KHDRBS2: variants seen among roughly 807,000 people sequenced by gnomAD.
KHDRBS2 encodes the protein KH RNA binding domain containing, signal transduction associated 2.
Under a neutral mutation model 44.3 loss-of-function variants are expected in KHDRBS2, and 26 were observed. That is an observed-to-expected ratio of 0.59 (90% CI 0.43 to 0.81). The LOEUF (loss-of-function observed/expected upper bound fraction) is 0.81, where lower values mean the gene tolerates loss of function less well. KHDRBS2 is among the 40% of genes least tolerant of loss of function. The pLI, the probability that KHDRBS2 is intolerant of heterozygous loss-of-function variation, is 0.00. For missense variants in KHDRBS2, 476 were observed against 433.1 expected (o/e 1.10, Z -0.88); for synonymous variants, 194 against 151.1 (o/e 1.28, Z -2.08).
At chr6:61,546,660 G>T in the KHDRBS2 span, among the ~76,000 whole-genome samples, 1 of 152,030 alleles carries the variant, frequency 6.6e-6, no homozygotes, top group African/African-American at 2.4e-5. Context: ...TCCCATGTTT[G>T]GTGAATCAGT....
At chr6:62,087,254 G>C in intron 2 of KHDRBS2, among the ~76,000 whole-genome samples, 1 of 151,872 alleles carries the variant, frequency 6.6e-6, no homozygotes, top group East Asian at 1.9e-4. Flanking sequence ...TAAAATACAA[G>C]AAAACTGTTT....
intron 1 of KHDRBS2, among the ~76,000 whole-genome samples, chr6:62,191,162 C>T (rs1824516194): frequency 6.6e-6 from 1 of 152,096 alleles, no homozygotes. Context: ...CTGACATGTA[C>T]CTGCTTCTCA....
chr6:62,006,839 A>G (rs1343421297), intron 3 of KHDRBS2, among the ~76,000 whole-genome samples: 1 of 152,064 alleles, frequency 6.6e-6, no homozygotes, highest in African/African-American at 2.4e-5. Flanking sequence ...TGATGGTGGA[A>G]TCATCAAAAT....
At chr6:61,605,006 C>G in the KHDRBS2 span, among the ~76,000 whole-genome samples, 1 of 152,158 alleles carries the variant, frequency 6.6e-6, no homozygotes, top group Non-Finnish European at 1.5e-5. Context: ...CATCCTCAAT[C>G]TTCAGAAAAG....
chr6:61,860,747 G>T (rs1796828650), intron 6 of KHDRBS2, among the ~76,000 whole-genome samples: 1 of 152,038 alleles, frequency 6.6e-6, no homozygotes, highest in African/African-American at 2.4e-5. Context: ...TAATGAAATT[G>T]CTGGGTCGAA....
chr6:61,851,520 T>C (rs1254990582), intron 6 of KHDRBS2, among the ~76,000 whole-genome samples: 2 of 152,038 alleles, frequency 1.3e-5, no homozygotes, highest in African/African-American at 4.8e-5. Context: ...CCATTACGAC[T>C]GGTATCATCA....
chr6:61,809,348 C>T (rs1037316240), intron 6 of KHDRBS2, among the ~76,000 whole-genome samples: 19 of 152,058 alleles, frequency 1.2e-4, no homozygotes, highest in African/African-American at 4.6e-4. Flanking sequence ...ATGAGTTTTG[C>T]TACGAATTAG....
intron 1 of KHDRBS2, among the ~76,000 whole-genome samples, chr6:62,267,338 G>A (rs1348255797): frequency 6.6e-6 from 1 of 151,956 alleles, no homozygotes; most frequent in Non-Finnish European, 1.5e-5. Context: ...AAGTTTACAT[G>A]TCCTCTATAT....
intron 6 of KHDRBS2, among the ~76,000 whole-genome samples, chr6:61,773,638 T>C (rs1283275163): frequency 2.0e-5 from 3 of 149,818 alleles, no homozygotes; most frequent in Admixed American, 1.3e-4. Context: ...GCAGAAGCTC[T>C]TTAGTTTAAT....
At chr6:62,062,638 G>C (rs2127329120) in intron 2 of KHDRBS2, among the ~76,000 whole-genome samples, 1 of 148,714 alleles carries the variant, frequency 6.7e-6, no homozygotes, top group Non-Finnish European at 1.5e-5. Context: ...AGTGTGTAGA[G>C]GGAAATTTAC....
the KHDRBS2 span, among the ~76,000 whole-genome samples, chr6:61,574,802 T>C: frequency 6.6e-6 from 1 of 151,908 alleles, no homozygotes; most frequent in Non-Finnish European, 1.5e-5. Flanking sequence ...CCAGCTGCTT[T>C]GGAGGCTGAG....
the KHDRBS2 span, among the ~76,000 whole-genome samples, chr6:61,580,454 T>A: frequency 1.3e-5 from 2 of 152,134 alleles, no homozygotes; most frequent in Admixed American, 6.5e-5. Flanking sequence ...GGTTACCAAC[T>A]GGGGTCCCCT....
chr6:61,981,575 CTAAAG>C (rs892837071), intron 3 of KHDRBS2, among the ~76,000 whole-genome samples: 2 of 151,926 alleles, frequency 1.3e-5, no homozygotes, highest in African/African-American at 4.8e-5. Flanking sequence ...AAGTGGATAA[CTAAAG>C]TATTGTTTCA....
chr6:61,816,954 C>T (rs376726653), intron 6 of KHDRBS2: 112 of 455,698 alleles, frequency 2.5e-4, no homozygotes, highest in African/African-American at 2.0e-3. Context: ...AGACAACTTA[C>T]CTGGTGAGAT....
intron 2 of KHDRBS2, among the ~76,000 whole-genome samples, chr6:62,105,900 C>T (rs1412649299): frequency 6.6e-6 from 1 of 152,126 alleles, no homozygotes; most frequent in Non-Finnish European, 1.5e-5. Flanking sequence ...TTCCTGCTTT[C>T]TCTTGTGGGC....
chr6:62,109,306 TA>T (rs1171648871), intron 2 of KHDRBS2, among the ~76,000 whole-genome samples: 1 of 151,968 alleles, frequency 6.6e-6, no homozygotes, highest in Non-Finnish European at 1.5e-5. Flanking sequence ...TCCTAATTTT[TA>T]AAAAAAGTAC....
intron 2 of KHDRBS2, among the ~76,000 whole-genome samples, chr6:62,149,715 A>C (rs1814691928): frequency 6.6e-6 from 1 of 152,198 alleles, no homozygotes; most frequent in South Asian, 2.1e-4. Context: ...GCTAAGTTAA[A>C]TAGGGTGCAG....
intron 6 of KHDRBS2, among the ~76,000 whole-genome samples, chr6:61,734,198 T>A (rs1774955921): frequency 6.6e-6 from 1 of 152,170 alleles, no homozygotes; most frequent in Admixed American, 6.5e-5. Flanking sequence ...CTTCCATCTC[T>A]TGTCATTTTT....
intron 2 of KHDRBS2, among the ~76,000 whole-genome samples, chr6:62,173,470 A>G (rs531442068): frequency 1.3e-5 from 2 of 152,142 alleles, no homozygotes; most frequent in Non-Finnish European, 2.9e-5. Flanking sequence ...GAAAAAGCCC[A>G]GGACCAGTTG....
Sources: allele counts gnomAD v4.1 joint callset (sites outside exome capture counted in the v4.1 genomes callset), GRCh38; gene constraint gnomAD v4.1.1; transcripts MANE v1.5; gene names NCBI Gene and HGNC (gene_info 2026-07-23, HGNC 2026-07-21).